PTPRK: variants seen among roughly 807,000 people sequenced by gnomAD.
PTPRK encodes the protein receptor-type tyrosine-protein phosphatase kappa.
PTPRK carries 75 observed loss-of-function variants against 178.0 expected under a neutral mutation model. That is an observed-to-expected ratio of 0.42 (90% CI 0.35 to 0.51). PTPRK has a LOEUF of 0.51. PTPRK is among the 20% of genes least tolerant of loss of function. The pLI, the probability that PTPRK is intolerant of heterozygous loss-of-function variation, is 0.02. For missense variants in PTPRK, 1,441 were observed against 1,797.8 expected, an observed-to-expected ratio of 0.80 and a Z score of 3.59; for synonymous variants, 637 against 620.6, an observed-to-expected ratio of 1.03 and a Z score of -0.39.
intron 2 of PTPRK, among the ~76,000 whole-genome samples, chr6:128,344,575 T>C (rs1832145590): frequency 6.6e-6 from 1 of 152,030 alleles, no homozygotes; most frequent in Non-Finnish European, 1.5e-5. Flanking sequence ...TGGCAGATCA[T>C]GGCGATCATG....
chr6:127,995,579 C>G, intron 17 of PTPRK, 41 bp from the exon 18 acceptor site: 1 of 1,282,966 alleles, frequency 7.8e-7, no homozygotes, highest in African/African-American at 1.5e-5. Context: ...TTAAATTTTC[C>G]CCCTGTTCTG....
chr6:128,388,815 T>A lies in PTPRK; in HGVS notation c.223+8751A>T, dbSNP rs545564225. Reference sequence around the variant, plus strand: ...AATGCTTGGGATCAGACAGAAGGAGTCAGAGAATTATTTTTTAAGTATCCA... The same window carrying A: ...AATGCTTGGGATCAGACAGAAGGAGACAGAGAATTATTTTTTAAGTATCCA... On this transcript the variant is annotated intron_variant, in intron 2 of 29. Transcript: ENST00000368226. 2.1e-4 allele frequency among the ~76,000 whole-genome samples: 32 copies of A among 152,140 alleles called. No individual in the cohort carries two copies. The South Asian group carries it at 6.4e-3, about 31-fold the overall frequency.
intron 7 of PTPRK, among the ~76,000 whole-genome samples, chr6:128,128,036 G>A (rs1017270198): frequency 6.6e-6 from 1 of 152,118 alleles, no homozygotes; most frequent in Non-Finnish European, 1.5e-5. Context: ...TTAATGAGAA[G>A]TTAAGGCCAA....
intron 15 of PTPRK, among the ~76,000 whole-genome samples, chr6:128,004,133 C>T (rs1778157097): frequency 6.6e-6 from 1 of 151,702 alleles, no homozygotes; most frequent in Admixed American, 6.6e-5. Flanking sequence ...TGTTTCTTTG[C>T]TTATACCCAT....
chr6:128,005,259 A>C lies in PTPRK; in HGVS notation c.2334-15T>G. On this transcript the variant is annotated splice_polypyrimidine_tract_variant and intron_variant, in intron 14 of 29. Transcript: ENST00000368226. ...TAGCAAGTTTGCTGCCAAGGCAAAT[A>C]CAAAAGGGCATCCTTAGTGTTTGAG... 1 of 1,610,444 alleles carries C rather than the reference A, an allele frequency of 6.2e-7. No individual in the cohort carries two copies. Among genetic ancestry groups the C allele is most frequent in the Non-Finnish European group, 8.5e-7 (1 of 1,177,794 alleles).
At chr6:128,084,737 G>A (rs955511839) in intron 8 of PTPRK, among the ~76,000 whole-genome samples, 1 of 151,986 alleles carries the variant, frequency 6.6e-6, no homozygotes, top group African/African-American at 2.4e-5. Flanking sequence ...TAAATACTTA[G>A]CTGCTATTTA....
intron 1 of PTPRK, among the ~76,000 whole-genome samples, chr6:128,481,646 C>CTTT (rs1405264160): frequency 2.0e-5 from 3 of 152,090 alleles, no homozygotes; most frequent in Non-Finnish European, 4.4e-5. Context: ...CTACCTCCCT[C>CTTT]TTTCTTGACC....
intron 3 of PTPRK, among the ~76,000 whole-genome samples, chr6:128,274,706 T>G (rs1323350439): frequency 2.6e-5 from 4 of 152,012 alleles, no homozygotes; most frequent in Non-Finnish European, 5.9e-5. Flanking sequence ...CTCCAAAAAG[T>G]GACAAGTATG....
At chr6:128,032,895 C>G (rs1401174046) in intron 13 of PTPRK, among the ~76,000 whole-genome samples, 1 of 152,058 alleles carries the variant, frequency 6.6e-6, no homozygotes, top group African/African-American at 2.4e-5. Flanking sequence ...ATTGCCTGGA[C>G]CTGACCCCAG....
intron 1 of PTPRK, among the ~76,000 whole-genome samples, chr6:128,474,986 G>A (rs1851193045): frequency 6.6e-6 from 1 of 152,078 alleles, no homozygotes; most frequent in Non-Finnish European, 1.5e-5. Context: ...ACATTCATTG[G>A]TATAGGATGA....
chr6:128,426,682 G>A (rs1366943387), intron 1 of PTPRK, among the ~76,000 whole-genome samples: 2 of 152,084 alleles, frequency 1.3e-5, no homozygotes, highest in Admixed American at 1.3e-4. Context: ...CTGAACATCT[G>A]GTCACTTATC....
At chr6:128,508,803 G>T (rs1253590565) in intron 1 of PTPRK, among the ~76,000 whole-genome samples, 1 of 151,992 alleles carries the variant, frequency 6.6e-6, no homozygotes, top group Non-Finnish European at 1.5e-5. Flanking sequence ...AAATAGCCGG[G>T]CATGGTGGAG....
intron 1 of PTPRK, among the ~76,000 whole-genome samples, chr6:128,438,887 GGAA>G (rs1209652195): frequency 1.3e-5 from 2 of 151,912 alleles, no homozygotes; most frequent in East Asian, 3.9e-4. Context: ...ATCAACTCTG[GGAA>G]GAAGTTTTGC....
At chr6:128,071,525 C>T (rs1421128677) in intron 11 of PTPRK, among the ~76,000 whole-genome samples, 1 of 151,982 alleles carries the variant, frequency 6.6e-6, no homozygotes, top group Non-Finnish European at 1.5e-5. Context: ...AGCATGCTAC[C>T]TTTTCAAGAT....
rs781126006 is a variant in PTPRK, at chr6:128,184,745, A to G, written c.869-20T>C. ...GCGGTTCTAGGAGAGATGAGTGTGC[A>G]CTTCAATTAGTAAGATTTAAAATAA... On this transcript the variant is annotated intron_variant, in intron 6 of 29. Transcript: ENST00000368226. 8.7e-6 allele frequency: 14 copies of G among 1,602,150 alleles called. No homozygotes were observed. In the South Asian group the frequency reaches 9.9e-5, roughly 11 times the overall value.
chr6:127,999,999 T>C (rs1777615059), intron 15 of PTPRK: 3 of 939,290 alleles, frequency 3.2e-6, no homozygotes, highest in Non-Finnish European at 2.5e-6. Context: ...CTATGAAGAA[T>C]AAACAGTACT....
chr6:128,092,470 C>T (rs138919724), intron 7 of PTPRK, among the ~76,000 whole-genome samples: 1 of 152,106 alleles, frequency 6.6e-6, no homozygotes, highest in East Asian at 1.9e-4. Flanking sequence ...TGGCATGCAC[C>T]TTAAATTTTT....
At chr6:128,297,603 A>G (rs1562234187) in intron 3 of PTPRK, among the ~76,000 whole-genome samples, 2 of 152,254 alleles carry the variant, frequency 1.3e-5, no homozygotes, top group African/African-American at 2.4e-5. Context: ...ATGGAAACTG[A>G]ACAACCTGCT....
intron 2 of PTPRK, among the ~76,000 whole-genome samples, chr6:128,341,172 A>G (rs1831610083): frequency 1.3e-5 from 2 of 152,198 alleles, no homozygotes; most frequent in Admixed American, 1.3e-4. Context: ...AATGTGATAC[A>G]GTTCACCCTT....
Sources: allele counts gnomAD v4.1 joint callset (sites outside exome capture counted in the v4.1 genomes callset), GRCh38; gene constraint gnomAD v4.1.1; transcripts MANE v1.5; gene names NCBI Gene and HGNC (gene_info 2026-07-23, HGNC 2026-07-21).